Variants in THADA observed in about 807,000 individuals in gnomAD.
THADA encodes the protein THADA armadillo repeat containing.
THADA carries 213 observed loss-of-function variants against 219.8 expected under a neutral mutation model. The observed-to-expected ratio is 0.97, with a 90% CI of 0.87 to 1.09. The LOEUF (loss-of-function observed/expected upper bound fraction) is 1.09. Ranked by LOEUF, THADA falls within the 50% of genes least tolerant of loss-of-function variation. The pLI is 0.00. For missense variants in THADA, 2,956 were observed against 2,311.3 expected (o/e 1.28, Z -5.72); for synonymous variants, 1,018 against 828.9 (o/e 1.23, Z -3.92).
intron 26 of THADA, among the ~76,000 whole-genome samples, chr2:43,434,796 A>C (rs1679853923): frequency 1.3e-5 from 2 of 152,166 alleles, no homozygotes; most frequent in African/African-American, 2.4e-5. Flanking sequence ...CAAGGCAAGA[A>C]CCCTGGGATA....
chr2:43,595,181 C>G (rs777416941), intron 1 of THADA, among the ~76,000 whole-genome samples: 3 of 152,214 alleles, frequency 2.0e-5, no homozygotes, highest in Non-Finnish European at 4.4e-5. Context: ...GGTGGACTAT[C>G]TGGTACCTAA....
At chr2:43,317,228 T>C (rs1277876607) in intron 31 of THADA, among the ~76,000 whole-genome samples, 1 of 152,230 alleles carries the variant, frequency 6.6e-6, no homozygotes. Flanking sequence ...TATATTTACA[T>C]ACACACATAA....
intron 34 of THADA, among the ~76,000 whole-genome samples, chr2:43,291,024 C>T (rs1674630053): frequency 6.6e-6 from 1 of 151,936 alleles, no homozygotes; most frequent in South Asian, 2.1e-4. Flanking sequence ...ATCCTAAATA[C>T]TTTTGGAATT....
At chr2:43,431,841 CTTTTTTTTTTTTTTTTTTTTTTTT>C (rs1162868788) in intron 26 of THADA, among the ~76,000 whole-genome samples, 1 of 1,568 alleles carries the variant, frequency 6.4e-4, no homozygotes, top group South Asian at 0.016. Flanking sequence ...ATTTTTTGTA[CTTTTTTTTTTTTTTTTTTTTTTTT>C]TTTTTTTTTG....
chr2:43,425,268 A>G (rs1338572288), intron 28 of THADA, among the ~76,000 whole-genome samples: 1 of 152,104 alleles, frequency 6.6e-6, no homozygotes, highest in Non-Finnish European at 1.5e-5. Flanking sequence ...GACCAGTTCA[A>G]TACTTGGCAG....
At chr2:43,564,673 C>A (rs963469732) in intron 15 of THADA, 3 of 152,190 alleles carry the variant, frequency 2.0e-5, no homozygotes, top group Non-Finnish European at 4.4e-5. Flanking sequence ...AGCCTGCCAT[C>A]CCCACGTGAA....
At chr2:43,252,824 C>T (rs766851388) in intron 36 of THADA, among the ~76,000 whole-genome samples, 38 of 152,314 alleles carry the variant, frequency 2.5e-4, no homozygotes, top group Admixed American at 1.0e-3. Context: ...AGCTGAGTAG[C>T]GGCAGTCTGC....
intron 35 of THADA, among the ~76,000 whole-genome samples, chr2:43,285,567 GT>G (rs796871846): frequency 7.7e-4 from 109 of 141,400 alleles, no homozygotes; most frequent in East Asian, 8.2e-4. Context: ...GTCTCAGGTA[GT>G]TTTTTTTTTT....
intron 22 of THADA, among the ~76,000 whole-genome samples, chr2:43,509,939 C>G (rs755342296): frequency 2.0e-5 from 3 of 152,150 alleles, no homozygotes; most frequent in Non-Finnish European, 4.4e-5. Flanking sequence ...CTCCTGTCCT[C>G]AGCCACCAAA....
chr2:43,514,591 ATG>A (rs1193376439), intron 22 of THADA, among the ~76,000 whole-genome samples: 1,785 of 101,940 alleles, frequency 0.018, 16 homozygotes, highest in African/African-American at 0.028. Flanking sequence ...TATTTTATAT[ATG>A]TATATTTTAT....
At chr2:43,266,356 C>T (rs1671514416) in intron 36 of THADA, among the ~76,000 whole-genome samples, 1 of 152,174 alleles carries the variant, frequency 6.6e-6, no homozygotes, top group Non-Finnish European at 1.5e-5. Flanking sequence ...CTTTGGGAGG[C>T]CGAGGCGGGC....
chr2:43,277,872 T>C (rs1672900865), intron 36 of THADA, among the ~76,000 whole-genome samples: 2 of 151,862 alleles, frequency 1.3e-5, no homozygotes, highest in Non-Finnish European at 2.9e-5. Flanking sequence ...TTCTACAAAA[T>C]CCTTATATGC....
At chr2:43,580,353 T>C (rs1481939529) in intron 8 of THADA, among the ~76,000 whole-genome samples, 10 of 152,050 alleles carry the variant, frequency 6.6e-5, no homozygotes. Context: ...TTACCTCATA[T>C]TAAAATCATG....
At chr2:43,276,773 T>G (rs892919470) in intron 36 of THADA, among the ~76,000 whole-genome samples, 1 of 148,928 alleles carries the variant, frequency 6.7e-6, no homozygotes, top group Admixed American at 6.6e-5. Flanking sequence ...TCACAGTGAC[T>G]TGTGGCCTCT....
intron 24 of THADA, among the ~76,000 whole-genome samples, chr2:43,500,960 T>A (rs1297231266): frequency 6.6e-6 from 1 of 151,878 alleles, no homozygotes; most frequent in Non-Finnish European, 1.5e-5. Flanking sequence ...AAAAGTACCA[T>A]TCATAATTGC....
At chr2:43,524,938 T>C (rs1195506532) in intron 22 of THADA, among the ~76,000 whole-genome samples, 1 of 152,204 alleles carries the variant, frequency 6.6e-6, no homozygotes, top group African/African-American at 2.4e-5. Flanking sequence ...TCTTTTTTCC[T>C]TTCATGCTCT....
chr2:43,452,243 T>G (rs933205538), intron 26 of THADA, among the ~76,000 whole-genome samples: 1 of 152,208 alleles, frequency 6.6e-6, no homozygotes, highest in Admixed American at 6.5e-5. Flanking sequence ...AGCTAACACT[T>G]TTAACTAAGA....
At chr2:43,584,927 C>G (rs957279311) in intron 7 of THADA, among the ~76,000 whole-genome samples, 1 of 152,132 alleles carries the variant, frequency 6.6e-6, no homozygotes, top group Admixed American at 6.5e-5. Context: ...CAACATATTA[C>G]AAAAAGGAGA....
Position 43,349,132 on chromosome 2 carries a change from C to A in THADA, c.4228-4895G>T, listed in dbSNP as rs529272947. On this transcript the variant is annotated intron_variant, in intron 29 of 37. Coordinates refer to ENST00000405975, the MANE Select transcript of THADA (RefSeq NM_022065.5). ...AACTGCCAAGAGATGGGACTGTCAG[C>A]CCTGCCCTGAGGAGGGGGTGGTCAT... Among the ~76,000 whole-genome samples, 3 of 152,274 alleles carry A rather than the reference C, an allele frequency of 2.0e-5. No individual in the cohort carries two copies. The East Asian group carries it at 5.8e-4, about 29-fold the overall frequency.
Sources: gnomAD v4.1 joint callset for allele counts (sites outside exome capture counted in the v4.1 genomes callset) on GRCh38, gnomAD v4.1.1 for gene constraint, MANE v1.5 for transcripts, NCBI Gene and HGNC (gene_info 2026-07-23, HGNC 2026-07-21) for gene names.